PDE3A: variants seen among roughly 807,000 people sequenced by gnomAD.
PDE3A encodes the protein phosphodiesterase 3A, also known as cGMP-inhibited 3',5'-cyclic phosphodiesterase 3A.
In PDE3A, 43 loss-of-function variants were observed where a neutral mutation model predicts 98.3. The observed-to-expected ratio is 0.44, with a 90% CI of 0.34 to 0.56. The LOEUF is 0.56. Ranked by LOEUF, PDE3A falls within the 20% of genes least tolerant of loss-of-function variation. PDE3A has a pLI of 0.01. For missense variants in PDE3A, 1,427 were observed against 1,440.7 expected (o/e 0.99, Z 0.15); for synonymous variants, 663 against 567.9 (o/e 1.17, Z -2.38).
chr12:20,404,654 A>G (rs1425484630), intron 1 of PDE3A, among the ~76,000 whole-genome samples: 2 of 152,114 alleles, frequency 1.3e-5, no homozygotes, highest in Non-Finnish European at 2.9e-5. Context: ...TTATCTAAGA[A>G]TATTTCTCTA....
intron 1 of PDE3A, among the ~76,000 whole-genome samples, chr12:20,534,386 C>T (rs1221839898): frequency 6.6e-6 from 1 of 152,172 alleles, no homozygotes; most frequent in Non-Finnish European, 1.5e-5. Context: ...GTGCTACTTC[C>T]TCTATTTTGG....
rs968467318 is a variant in PDE3A, at chr12:20,686,854, G to T, written c.*6583G>T. Among the ~76,000 whole-genome samples, 2 of 152,104 alleles carry T rather than the reference G, an allele frequency of 1.3e-5. No individual in the cohort carries two copies. The highest frequency in any genetic ancestry group is 2.9e-5 in the Non-Finnish European group (2 of 67,990). The stretch of plus-strand genomic sequence containing the variant: ...TCCATGGTACTAAGAAGCAAAAAAT[G>T]CAGAGCTGTGGATTGGGAGTGAACA... On this transcript the variant is annotated 3_prime_UTR_variant, in exon 16 of 16. Coordinates refer to ENST00000359062, the MANE Select transcript of PDE3A (RefSeq NM_000921.5).
intron 1 of PDE3A, among the ~76,000 whole-genome samples, chr12:20,496,808 A>G (rs866070335): frequency 6.6e-6 from 1 of 152,216 alleles, no homozygotes; most frequent in South Asian, 2.1e-4. Flanking sequence ...GTCTTCAACC[A>G]TGGCTGCAGG....
chr12:20,443,725 CT>C (rs1234491937), intron 1 of PDE3A, among the ~76,000 whole-genome samples: 2 of 152,096 alleles, frequency 1.3e-5, no homozygotes, highest in African/African-American at 4.8e-5. Context: ...ATAAAAAACC[CT>C]ACTTCCATGA....
chr12:20,643,969 C>G (rs1446710626), intron 10 of PDE3A, among the ~76,000 whole-genome samples: 1 of 152,046 alleles, frequency 6.6e-6, no homozygotes, highest in South Asian at 2.1e-4. Context: ...ATTCCTTACC[C>G]CAAACAGGCT....
intron 15 of PDE3A, among the ~76,000 whole-genome samples, chr12:20,670,345 G>A (rs961609867): frequency 1.5e-4 from 23 of 149,206 alleles, no homozygotes; most frequent in Non-Finnish European, 2.8e-4. Flanking sequence ...GCACCAAGCG[G>A]ACCTAATAGA....
At chr12:20,387,602 A>G (rs959081978) in intron 1 of PDE3A, among the ~76,000 whole-genome samples, 2 of 151,984 alleles carry the variant, frequency 1.3e-5, no homozygotes, top group Non-Finnish European at 2.9e-5. Context: ...TTTATAGAGG[A>G]AATACTTCTA....
intron 1 of PDE3A, among the ~76,000 whole-genome samples, chr12:20,454,874 G>T (rs565225399): frequency 3.9e-5 from 6 of 152,170 alleles, no homozygotes; most frequent in African/African-American, 1.2e-4. Context: ...GTCTACCATT[G>T]ATGGGCATTT....
At chr12:20,638,049 C>T (rs1168875727) in intron 9 of PDE3A, among the ~76,000 whole-genome samples, 1 of 152,120 alleles carries the variant, frequency 6.6e-6, no homozygotes, top group African/African-American at 2.4e-5. Flanking sequence ...GACCATCAAA[C>T]TTGTGAATAT....
intron 1 of PDE3A, among the ~76,000 whole-genome samples, chr12:20,461,557 A>G (rs545196322): frequency 6.6e-6 from 1 of 152,304 alleles, no homozygotes; most frequent in East Asian, 1.9e-4. Flanking sequence ...TTAATTTTAC[A>G]TAAAGATATA....
chr12:20,394,435 A>G (rs953845578), intron 1 of PDE3A, among the ~76,000 whole-genome samples: 1 of 152,062 alleles, frequency 6.6e-6, no homozygotes, highest in Non-Finnish European at 1.5e-5. Flanking sequence ...GGGATAAATA[A>G]GAAACCTCTT....
intron 1 of PDE3A, among the ~76,000 whole-genome samples, chr12:20,412,015 T>C (rs1338769261): frequency 6.6e-6 from 1 of 152,182 alleles, no homozygotes; most frequent in Non-Finnish European, 1.5e-5. Flanking sequence ...TTCAGCATAC[T>C]TATGATCTAT....
chr12:20,502,254 C>G (rs1946038010), intron 1 of PDE3A, among the ~76,000 whole-genome samples: 1 of 152,094 alleles, frequency 6.6e-6, no homozygotes, highest in Non-Finnish European at 1.5e-5. Flanking sequence ...TGCTACTGAT[C>G]ACTTCCAACT....
chr12:20,590,360 C>A (rs957357906), intron 2 of PDE3A, among the ~76,000 whole-genome samples: 12 of 148,082 alleles, frequency 8.1e-5, no homozygotes, highest in African/African-American at 3.0e-4. Context: ...GAAAGGGGCA[C>A]AATCAGTATC....
At chr12:20,669,968 A>T (rs1181335155) in intron 15 of PDE3A, among the ~76,000 whole-genome samples, 3 of 152,196 alleles carry the variant, frequency 2.0e-5, no homozygotes, top group Admixed American at 6.5e-5. Flanking sequence ...TCACGTGCAG[A>T]CACACATAGG....
intron 9 of PDE3A, 100 bp from the exon 10 acceptor site, chr12:20,639,746 A>G: frequency 3.3e-6 from 2 of 601,324 alleles, no homozygotes; most frequent in Non-Finnish European, 6.1e-6. Context: ...AAAGGCATTT[A>G]ATGTTTTCCG....
intron 1 of PDE3A, among the ~76,000 whole-genome samples, chr12:20,454,922 G>A (rs12366354): frequency 0.15 from 22,941 of 152,122 alleles, 2,125 homozygotes; most frequent in Non-Finnish European, 0.2. Context: ...GAATAGTGCT[G>A]CAATGACCAT....
At chr12:20,443,929 T>C (rs1944910528) in intron 1 of PDE3A, among the ~76,000 whole-genome samples, 1 of 152,156 alleles carries the variant, frequency 6.6e-6, no homozygotes, top group African/African-American at 2.4e-5. Flanking sequence ...TTTATCTCCA[T>C]TTAAAGGCAG....
chr12:20,676,221 C>T (rs1945635208), intron 15 of PDE3A, among the ~76,000 whole-genome samples: 1 of 152,108 alleles, frequency 6.6e-6, no homozygotes. Context: ...TTTGCTTTCA[C>T]ATGTCAGCCT....
Sources: gnomAD v4.1 joint callset for allele counts (sites outside exome capture counted in the v4.1 genomes callset) on GRCh38, gnomAD v4.1.1 for gene constraint, MANE v1.5 for transcripts, NCBI Gene and HGNC (gene_info 2026-07-23, HGNC 2026-07-21) for gene names.